DPCD: variants seen among roughly 807,000 people sequenced by gnomAD.
DPCD encodes protein DPCD.
In DPCD, 20 loss-of-function variants were observed where a neutral mutation model predicts 26.4. The observed-to-expected ratio is 0.76, with a 90% CI of 0.53 to 1.10. DPCD has a LOEUF of 1.10. Ranked by LOEUF, DPCD falls within the 50% of genes least tolerant of loss-of-function variation. The pLI is 0.00. For synonymous variants in DPCD, 97 were observed against 94.2 expected (o/e 1.03, Z -0.17); for missense variants, 202 against 253.9 (o/e 0.80, Z 1.39).
rs770099808 is a variant in DPCD, at chr10:101,600,892, G to A, written c.270+30G>A. 8.7e-6 allele frequency: 14 copies of A among 1,613,510 alleles called. No homozygotes were observed. The highest frequency in any genetic ancestry group is 1.7e-4 in the Middle Eastern group (1 of 6,058). The stretch of plus-strand genomic sequence containing the variant: ...GTCCATCTGTCCAGGTGTCTTGCAC[G>A]GACTGAGGTGGGGGTGGGCTGTGGG... On this transcript the variant is annotated intron_variant, in intron 3 of 5. Transcript: ENST00000370151. The surrounding 1 kb of genome is among the most constrained non-coding windows in gnomAD (Gnocchi z 4.7).
At chr10:101,608,729 T>C in intron 4 of DPCD, 106 bp from the exon 5 acceptor site, 2 of 726,224 alleles carry the variant, frequency 2.8e-6, no homozygotes, top group Admixed American at 4.2e-5. Flanking sequence ...TCTGCGTGTG[T>C]GGAAGGTGTG....
intron 4 of DPCD, among the ~76,000 whole-genome samples, chr10:101,608,146 C>A (rs936110811): frequency 5.3e-5 from 8 of 151,936 alleles, no homozygotes; most frequent in Non-Finnish European, 1.0e-4. Context: ...TGAACCGGCA[C>A]CTGCAGATGA....
intron 2 of DPCD, among the ~76,000 whole-genome samples, chr10:101,599,367 G>A (rs898856006): frequency 4.6e-5 from 7 of 152,178 alleles, no homozygotes; most frequent in Non-Finnish European, 8.8e-5. Flanking sequence ...ACTTAAGAGA[G>A]AAGTATTTGT....
At chr10:101,601,804 G>A (rs777067676) in intron 4 of DPCD, among the ~76,000 whole-genome samples, 11 of 152,096 alleles carry the variant, frequency 7.2e-5, no homozygotes, top group East Asian at 1.9e-4. Flanking sequence ...CTTGACAGCA[G>A]TTTAAAGCAG....
At chr10:101,588,934 T>C (rs932917595) in intron 1 of DPCD, among the ~76,000 whole-genome samples, 31 of 152,226 alleles carry the variant, frequency 2.0e-4, no homozygotes, top group Non-Finnish European at 2.9e-5. Context: ...TTAAGTGAAC[T>C]TCTAAATATT....
At chr10:101,588,779 T>C in intron 1 of DPCD, 1 of 702,186 alleles carries the variant, frequency 1.4e-6, no homozygotes. Flanking sequence ...AGGCCTGGGC[T>C]CTAGTTCCGA....
At chr10:101,608,389 C>T (rs1262138541) in intron 4 of DPCD, among the ~76,000 whole-genome samples, 1 of 152,226 alleles carries the variant, frequency 6.6e-6, no homozygotes, top group Non-Finnish European at 1.5e-5. Flanking sequence ...TAAATGGTAA[C>T]AGTAGGGCCC....
Position 101,603,247 on chromosome 10 carries a change from C to G in DPCD, c.404+1911C>G, listed in dbSNP as rs2134776017. Among the ~76,000 whole-genome samples the G allele has an allele frequency of 6.6e-6, 1 of 152,308 alleles. No individual in the cohort carries two copies. Among genetic ancestry groups the G allele is most frequent in the East Asian group, 1.9e-4 (1 of 5,176 alleles). ...GAGGTAACCTAGAGGCCGCTGAACCCTTAGCCAGATCGTTCCCGAACCTAG... is the reference window on the plus strand; with the variant it reads ...GAGGTAACCTAGAGGCCGCTGAACCGTTAGCCAGATCGTTCCCGAACCTAG... On this transcript the variant is annotated intron_variant, in intron 4 of 5. Transcript: ENST00000370151. This position sits in a 1 kb window ranked among gnomAD's most constrained non-coding sequence, Gnocchi z 4.6.
chr10:101,598,717 C>T (rs2063671771), intron 2 of DPCD, among the ~76,000 whole-genome samples: 1 of 149,896 alleles, frequency 6.7e-6, no homozygotes, highest in Admixed American at 6.7e-5. Context: ...CTCCACCTCC[C>T]AGGTTCAAGC....
intron 4 of DPCD, among the ~76,000 whole-genome samples, chr10:101,606,997 C>T (rs987946872): frequency 3.3e-5 from 5 of 152,152 alleles, no homozygotes; most frequent in Admixed American, 6.5e-5. Flanking sequence ...TTCCTCTTGC[C>T]TGGTGGTAGG....
chr10:101,592,967 T>G (rs1457097248), intron 1 of DPCD, among the ~76,000 whole-genome samples: 4 of 149,296 alleles, frequency 2.7e-5, no homozygotes, highest in Non-Finnish European at 5.9e-5. Context: ...TGAGCCGAGA[T>G]CACACCACTG....
chr10:101,599,032 T>C (rs750790328), intron 2 of DPCD, among the ~76,000 whole-genome samples: 1 of 152,202 alleles, frequency 6.6e-6, no homozygotes, highest in Non-Finnish European at 1.5e-5. Context: ...TTACACTAAA[T>C]GGTCCCAAGT....
At chr10:101,604,641 T>A (rs137869201) in intron 4 of DPCD, among the ~76,000 whole-genome samples, 1 of 152,348 alleles carries the variant, frequency 6.6e-6, no homozygotes, top group East Asian at 1.9e-4. Context: ...GCTCCTAGCC[T>A]CAGCCTGGAA....
At chr10:101,596,114 T>C (rs900810195) in intron 2 of DPCD, among the ~76,000 whole-genome samples, 8 of 152,196 alleles carry the variant, frequency 5.3e-5, no homozygotes, top group Non-Finnish European at 1.0e-4. Context: ...TAAAAACAAG[T>C]CCAGGTTTCT....
chr10:101,598,812 C>T (rs972276536), intron 2 of DPCD, among the ~76,000 whole-genome samples: 3 of 151,898 alleles, frequency 2.0e-5, no homozygotes, highest in South Asian at 2.1e-4. Flanking sequence ...TTAGTAGAGA[C>T]GGGGTTTCTC....
rs1007324234 is a variant in DPCD, at chr10:101,591,923, T to C, written c.65-2735T>C. 7.2e-5 allele frequency among the ~76,000 whole-genome samples: 11 copies of C among 152,240 alleles called. No homozygotes were observed. The East Asian group carries it at 2.1e-3, about 29-fold the overall frequency. Reference sequence around the variant, plus strand: ...CTGGTCTCAAACTCCAGACCTTAGGTGATCCGCCTGCATCGGCTTCCCAAA... The same window carrying C: ...CTGGTCTCAAACTCCAGACCTTAGGCGATCCGCCTGCATCGGCTTCCCAAA... On this transcript the variant is annotated intron_variant, in intron 1 of 5. Transcript: ENST00000370151.
At chr10:101,591,180 C>T (rs2063604371) in intron 1 of DPCD, among the ~76,000 whole-genome samples, 1 of 152,162 alleles carries the variant, frequency 6.6e-6, no homozygotes, top group South Asian at 2.1e-4. Flanking sequence ...GAGTGATATC[C>T]ATTGTATGTC....
chr10:101,609,276 A>C lies in DPCD; in HGVS notation c.508-91A>C, dbSNP rs2063756375. On this transcript the variant is annotated intron_variant, in intron 5 of 5. Transcript: ENST00000370151. The stretch of plus-strand genomic sequence containing the variant: ...AGGCCTCAATTTTCTCGTGCAAATA[A>C]GGGGATCAGAAGGAGAAGGGGCCCC... The C allele has an allele frequency of 2.3e-5, 27 of 1,189,012 alleles. No homozygotes were observed. The Middle Eastern group carries it at 9.7e-4, about 43-fold the overall frequency. The allele number at this position is 1,189,012 out of a possible 1,614,324, so 73.7% of individuals were successfully genotyped here. A position where few individuals can be genotyped will look rare whatever the true frequency, so the allele number is the denominator to read the frequency against.
chr10:101,604,757 A>G lies in DPCD; in HGVS notation c.404+3421A>G, dbSNP rs142250744. Among the ~76,000 whole-genome samples, 168 of 152,322 alleles carry G rather than the reference A, an allele frequency of 1.1e-3. 1 individual carries two copies. Among genetic ancestry groups the G allele is most frequent in the African/African-American group, 3.8e-3 (156 of 41,572 alleles). On this transcript the variant is annotated intron_variant, in intron 4 of 5. Coordinates refer to ENST00000370151, the MANE Select transcript of DPCD (RefSeq NM_015448.3). ...TGTAGAATTTAGGCAAGGTTTCCTC[A>G]TCTATCAGAGAAGACTCACAGCTAC...
Sources: gnomAD v4.1 joint callset for allele counts (sites outside exome capture counted in the v4.1 genomes callset) on GRCh38, gnomAD v4.1.1 for gene constraint, Gnocchi (gnomAD v3.1) non-coding constraint, MANE v1.5 for transcripts, NCBI Gene and HGNC (gene_info 2026-07-23, HGNC 2026-07-21) for gene names.